GTF3C1: variants seen among roughly 807,000 people sequenced by gnomAD.
The protein encoded by GTF3C1 is general transcription factor IIIC subunit 1.
A neutral mutation model predicts 226.7 loss-of-function variants in GTF3C1; 57 were observed. The ratio of observed to expected loss-of-function variants is 0.25; its 90% CI spans 0.20 to 0.31. The LOEUF (loss-of-function observed/expected upper bound fraction) is 0.31. GTF3C1 is among the 10% of genes least tolerant of loss of function. The pLI, the probability that GTF3C1 is intolerant of heterozygous loss-of-function variation, is 1.00. For missense variants in GTF3C1, 2,217 were observed against 2,776.1 expected, an observed-to-expected ratio of 0.80 and a Z score of 4.53; for synonymous variants, 1,090 against 1,084.8, an observed-to-expected ratio of 1.00 and a Z score of -0.09.
At chr16:27,533,867 G>A (rs773450795) in intron 4 of GTF3C1, among the ~76,000 whole-genome samples, 17 of 152,138 alleles carry the variant, frequency 1.1e-4, no homozygotes, top group Non-Finnish European at 1.6e-4. Flanking sequence ...TTAGCCAGAC[G>A]TGGTGGCGGG....
chr16:27,513,919 GAA>G (rs2088614704), intron 6 of GTF3C1, among the ~76,000 whole-genome samples: 2 of 152,140 alleles, frequency 1.3e-5, no homozygotes, highest in Non-Finnish European at 2.9e-5. Context: ...CAACAGCACA[GAA>G]GACTGAGGTC....
chr16:27,527,796 G>A, intron 6 of GTF3C1, among the ~76,000 whole-genome samples: 1 of 151,996 alleles, frequency 6.6e-6, no homozygotes, highest in East Asian at 1.9e-4. Context: ...GAGTCCAGGA[G>A]TTTGAGACCA....
At position 27,471,839 on chromosome 16, in the gene GTF3C1, G is replaced by A; in HGVS notation, c.4435C>T (p.Arg1479Trp). ...MECQKRSLVNRRRVNHTLGPK... is the reference protein window; with the variant it reads ...MECQKRSLVNWRRVNHTLGPK... ...CCCAGCGTGTGGTTGACCCGGCGCC[G>A]GTTGACCAAGCTCCTCTTCTGGCAC... Residue 1479 changes from arginine (R) to tryptophan (W), a missense_variant, in exon 30 of 37, where the codon CGG becomes TGG. By Grantham distance (101) the Arg-to-Trp change is moderately radical. Transcript: ENST00000356183. This position sits in a 1 kb window ranked among gnomAD's most constrained non-coding sequence, Gnocchi z 5.0. 3 of 1,613,944 alleles carry A rather than the reference G, an allele frequency of 1.9e-6. No homozygotes were observed. Among genetic ancestry groups the A allele is most frequent in the Non-Finnish European group, 2.5e-6 (3 of 1,179,850 alleles).
At chr16:27,482,932 A>C in intron 26 of GTF3C1, 112 bp downstream of exon 26, 1 of 850,978 alleles carries the variant, frequency 1.2e-6, no homozygotes, top group Non-Finnish European at 1.9e-6. Flanking sequence ...GCAGGAAACA[A>C]AGTCCACGTT....
chr16:27,503,656 T>G (rs1412333765), intron 10 of GTF3C1, among the ~76,000 whole-genome samples: 1 of 152,254 alleles, frequency 6.6e-6, no homozygotes, highest in Non-Finnish European at 1.5e-5. Context: ...GCTTCTCTTG[T>G]AATGTCTTTC....
intron 28 of GTF3C1, among the ~76,000 whole-genome samples, chr16:27,477,760 G>T (rs919269484): frequency 6.6e-6 from 1 of 152,184 alleles, no homozygotes; most frequent in Non-Finnish European, 1.5e-5. Flanking sequence ...GTTTTGAGGA[G>T]TCAAAAGTTA....
chr16:27,493,566 G>A (rs1954765071), intron 16 of GTF3C1, among the ~76,000 whole-genome samples: 1 of 152,144 alleles, frequency 6.6e-6, no homozygotes. Context: ...TTTCCCGGGG[G>A]CAACATAAGA....
chr16:27,485,973 C>T, intron 24 of GTF3C1, 24 bp downstream of exon 24: 1 of 1,548,040 alleles, frequency 6.5e-7, no homozygotes, highest in Non-Finnish European at 8.8e-7. Flanking sequence ...GGCAGGCCCA[C>T]CGCTGGGCTG....
chr16:27,527,730 G>C (rs140327032), intron 6 of GTF3C1, among the ~76,000 whole-genome samples: 1 of 152,266 alleles, frequency 6.6e-6, no homozygotes, highest in African/African-American at 2.4e-5. Context: ...GGCTGGCAGT[G>C]GTAGCCCACG....
intron 7 of GTF3C1, among the ~76,000 whole-genome samples, chr16:27,509,794 T>C (rs1463782731): frequency 6.6e-6 from 1 of 151,864 alleles, no homozygotes; most frequent in Non-Finnish European, 1.5e-5. Context: ...TATCTTCCTC[T>C]TTATTTCCTG....
chr16:27,502,152 T>G (rs984676136), intron 11 of GTF3C1, among the ~76,000 whole-genome samples: 1 of 151,390 alleles, frequency 6.6e-6, no homozygotes, highest in Non-Finnish European at 1.5e-5. Flanking sequence ...TAGGAGCACC[T>G]AGCTCAACCT....
In GTF3C1 at chr16:27,464,719, C is replaced by G; in HGVS notation, c.5473G>C (p.Ala1825Pro). ...HSVRLKDRED[A>P]DIQREDPQAR... ...TGGGGGTCTTCTCTCTGGATGTCGG[C>G]GTCTTCTCTGTCTTTCAGCCGCACG... Residue 1825 changes from alanine (A) to proline (P), a missense_variant, in exon 34 of 37, where the codon GCC becomes CCC. Transcript: ENST00000356183. 6.3e-7 allele frequency: 1 copy of G among 1,595,818 alleles called. No homozygotes were observed. Among genetic ancestry groups the G allele is most frequent in the Non-Finnish European group, 8.5e-7 (1 of 1,177,856 alleles).
chr16:27,535,795 C>T (rs546378535), intron 4 of GTF3C1, among the ~76,000 whole-genome samples: 3 of 151,796 alleles, frequency 2.0e-5, no homozygotes, highest in Admixed American at 6.6e-5. Flanking sequence ...TTGTGGTGAG[C>T]GGAGATCGCG....
intron 25 of GTF3C1, 71 bp from the exon 26 acceptor site, chr16:27,483,196 C>CTCCATTCTCATGTT: frequency 6.9e-7 from 1 of 1,445,878 alleles, no homozygotes; most frequent in Admixed American, 1.8e-5. Context: ...CTTCAGAGAG[C>CTCCATTCTCATGTT]TCCATTCTCA....
At chr16:27,517,363 G>A (rs1364267338) in intron 6 of GTF3C1, among the ~76,000 whole-genome samples, 1 of 152,202 alleles carries the variant, frequency 6.6e-6, no homozygotes, top group Non-Finnish European at 1.5e-5. Context: ...AAAAGCCACA[G>A]GGGCAGAGCA....
chr16:27,495,218 C>A lies in GTF3C1; in HGVS notation c.2625G>T (p.Thr875=), dbSNP rs563720808. The stretch of plus-strand genomic sequence containing the variant: ...GTGGCAGGGGCCTCTCACCTGTCTC[C>A]GTGGCAAGCTCCACTTCAGCCTCCC... ...VTWEAEVELA[T]ETVYVDDASW... The change falls in exon 15 of 37, where the codon ACG becomes ACT. Residue 875 remains threonine (T), a synonymous_variant. Transcript: ENST00000356183. 9.9e-6 allele frequency: 16 copies of A among 1,609,504 alleles called. No homozygotes were observed. Among genetic ancestry groups the A allele is most frequent in the Admixed American group, 3.3e-5 (2 of 59,988 alleles).
chr16:27,517,984 C>A (rs2088686189), intron 6 of GTF3C1, among the ~76,000 whole-genome samples: 1 of 152,172 alleles, frequency 6.6e-6, no homozygotes, highest in Non-Finnish European at 1.5e-5. Context: ...GTGTTTCTCC[C>A]ATTCCCAGTG....
chr16:27,527,516 C>CT (rs1567410871), intron 6 of GTF3C1, among the ~76,000 whole-genome samples: 1 of 152,136 alleles, frequency 6.6e-6, no homozygotes, highest in African/African-American at 2.4e-5. Flanking sequence ...TAGTATGCTC[C>CT]TTAAGTTAAC....
At chr16:27,516,552 TTTTA>T (rs1378191003) in intron 6 of GTF3C1, among the ~76,000 whole-genome samples, 5 of 152,232 alleles carry the variant, frequency 3.3e-5, no homozygotes, top group African/African-American at 1.2e-4. Flanking sequence ...ATAAGCCCTG[TTTTA>T]TTTACCCAAG....
Sources: allele counts gnomAD v4.1 joint callset (sites outside exome capture counted in the v4.1 genomes callset), GRCh38; gene constraint gnomAD v4.1.1; non-coding constraint Gnocchi (gnomAD v3.1); transcripts MANE v1.5; gene names NCBI Gene and HGNC (gene_info 2026-07-23, HGNC 2026-07-21).